RBBP6: variants seen among roughly 807,000 people sequenced by gnomAD.
The protein encoded by RBBP6 is RB binding protein 6, ubiquitin ligase, also known as E3 ubiquitin-protein ligase RBBP6.
Under a neutral mutation model 167.7 loss-of-function variants are expected in RBBP6, and 25 were observed. The observed-to-expected ratio is 0.15, with a 90% CI of 0.11 to 0.21. RBBP6 has a LOEUF of 0.21. Ranked by LOEUF, RBBP6 falls within the 10% of genes least tolerant of loss-of-function variation. The pLI, the probability that RBBP6 is intolerant of heterozygous loss-of-function variation, is 1.00. For synonymous variants in RBBP6, 789 were observed against 735.8 expected (o/e 1.07, Z -1.17); for missense variants, 1,868 against 2,134.2 (o/e 0.88, Z 2.46).
At position 24,572,053 on chromosome 16, in the gene RBBP6, A is replaced by C; in HGVS notation, c.4987A>C (p.Lys1663Gln). 1.2e-6 allele frequency: 2 copies of C among 1,614,170 alleles called. No homozygotes were observed. Among genetic ancestry groups the C allele is most frequent in the Non-Finnish European group, 1.7e-6 (2 of 1,180,006 alleles). Residue 1663 changes from lysine (K) to glutamine (Q), a missense_variant, in exon 18 of 18, where the codon AAG (lysine) becomes CAG (glutamine). This residue lies in a region of RBBP6 where 591 missense variants were observed against 540.5 expected (regional missense o/e 1.09). Coordinates refer to ENST00000319715, the MANE Select transcript of RBBP6 (RefSeq NM_006910.5). Reference sequence around the variant, plus strand: ...AGAGGAATCTTCAGGAAACATTTCTAAGGACCTGAAAGATAAAATAGTGGA... The same window carrying C: ...AGAGGAATCTTCAGGAAACATTTCTCAGGACCTGAAAGATAAAATAGTGGA... The part of the protein sequence containing the change: ...KEEESSGNIS[K>Q]DLKDKIVEKA...
In RBBP6 at chr16:24,563,596, T is replaced by C. The variant is rs199684948; in HGVS notation, c.1466-14T>C. The C allele has an allele frequency of 3.3e-5, 53 of 1,612,908 alleles. No homozygotes were observed. The highest frequency in any genetic ancestry group is 4.1e-5 in the Non-Finnish European group (48 of 1,179,652). ...ATTTTGTATTTACCTACTGCTTTTA[T>C]TTTTTGTTTCTAGGTCCAGTAAGAA... On this transcript the variant is annotated splice_polypyrimidine_tract_variant and intron_variant, in intron 12 of 17. Transcript: ENST00000319715.
chr16:24,543,027 G>A (rs1898543423), intron 1 of RBBP6, among the ~76,000 whole-genome samples: 1 of 152,178 alleles, frequency 6.6e-6, no homozygotes, highest in Non-Finnish European at 1.5e-5. Context: ...CAAATTAAGA[G>A]AGAAAGAGAT....
intron 16 of RBBP6, 58 bp from the exon 17 acceptor site, chr16:24,568,687 T>C: frequency 1.3e-6 from 2 of 1,527,990 alleles, no homozygotes; most frequent in Admixed American, 4.1e-5. Flanking sequence ...TCTGAGAGTC[T>C]GTGTTTTATT....
At chr16:24,551,027 A>G (rs919453422) in intron 3 of RBBP6, among the ~76,000 whole-genome samples, 1 of 151,898 alleles carries the variant, frequency 6.6e-6, no homozygotes, top group East Asian at 1.9e-4. Flanking sequence ...AGCGAACTCT[A>G]ATCAAGAATG....
At position 24,563,496 on chromosome 16, in the gene RBBP6, C is replaced by T. The variant is rs1161161425; in HGVS notation, c.1460C>T (p.Thr487Ile). Residue 487 changes from threonine (T) to isoleucine (I), a missense_variant, in exon 12 of 18, where the codon ACA becomes ATA. This residue lies in a region of RBBP6 where 245 missense variants were observed against 240.1 expected (regional missense o/e 1.02). Transcript: ENST00000319715. ...QSLLHGQLIP[T>I]TGPVRINTAR... ...TTATTGCATGGACAGTTGATCCCCA[C>T]AACTGGTGAGTAAGATCACTTTGGT... The T allele has an allele frequency of 6.2e-7, 1 of 1,612,978 alleles. No individual in the cohort carries two copies. The highest frequency in any genetic ancestry group is 1.1e-5 in the South Asian group (1 of 91,028).
chr16:24,551,010 T>C (rs1898783155), intron 3 of RBBP6, among the ~76,000 whole-genome samples: 1 of 151,890 alleles, frequency 6.6e-6, no homozygotes, highest in Non-Finnish European at 1.5e-5. Flanking sequence ...ATAGTTTTGG[T>C]AATGGAAGCG....
intron 4 of RBBP6, chr16:24,554,781 T>C (rs1159451764): frequency 6.6e-6 from 1 of 151,718 alleles, no homozygotes; most frequent in Non-Finnish European, 1.5e-5. Flanking sequence ...TTTTTTTGTT[T>C]TTTTAAACTA....
At position 24,567,778 on chromosome 16, in the gene RBBP6, C is replaced by A; in HGVS notation, c.1953-14C>A. 1 of 1,586,072 alleles carries A rather than the reference C, an allele frequency of 6.3e-7. No homozygotes were observed. Among genetic ancestry groups the A allele is most frequent in the Non-Finnish European group, 8.6e-7 (1 of 1,161,200 alleles). On this transcript the variant is annotated splice_polypyrimidine_tract_variant and intron_variant, in intron 15 of 17. Transcript: ENST00000319715. The stretch of plus-strand genomic sequence containing the variant: ...GTTTTTGTTAACTTTCACTCTTTAA[C>A]TTTATTTTACTAGGGAAAAGAAAAA...
At chr16:24,561,495 G>C (rs948525711) in intron 8 of RBBP6, 117 bp from the exon 9 acceptor site, 2 of 830,194 alleles carry the variant, frequency 2.4e-6, no homozygotes, top group Non-Finnish European at 3.8e-6. Context: ...TGATTAGCAC[G>C]ACATGCTTGG....
chr16:24,564,212 A>G (rs1335279008), intron 13 of RBBP6, among the ~76,000 whole-genome samples: 1 of 152,204 alleles, frequency 6.6e-6, no homozygotes, highest in Non-Finnish European at 1.5e-5. Context: ...TACTTAATGT[A>G]TTTTTAGTTA....
At position 24,567,041 on chromosome 16, in the gene RBBP6, C is replaced by T. The variant is rs1395817426; in HGVS notation, c.1590-102C>T. On this transcript the variant is annotated intron_variant, in intron 14 of 17. Coordinates refer to ENST00000319715, the MANE Select transcript of RBBP6 (RefSeq NM_006910.5). ...TAGTTGAATAGTTGGTTCTATTCCA[C>T]TGTTTTTAAGTTTGAAAATAATTAT... The T allele has an allele frequency of 4.0e-6, 5 of 1,256,698 alleles. No homozygotes were observed. In the East Asian group the frequency reaches 1.2e-4, roughly 31 times the overall value. 77.8% of individuals were successfully genotyped at this position (1,256,698 alleles called of 1,614,324 possible). A position where few individuals can be genotyped will look rare whatever the true frequency, so the allele number is the denominator to read the frequency against.
chr16:24,546,519 G>A (rs1019544388), intron 2 of RBBP6, among the ~76,000 whole-genome samples: 4 of 152,144 alleles, frequency 2.6e-5, no homozygotes, highest in African/African-American at 9.7e-5. Flanking sequence ...ACAGATACAA[G>A]AAAGTGATAT....
At chr16:24,546,034 A>G in intron 1 of RBBP6, 129 bp from the exon 2 acceptor site, 1 of 1,344,844 alleles carries the variant, frequency 7.4e-7, no homozygotes, top group South Asian at 1.5e-5. Context: ...TCAGTAATCT[A>G]GTTGCAAGGA....
At position 24,571,330 on chromosome 16, in the gene RBBP6, A is replaced by G. The variant is rs1899325045; in HGVS notation, c.4264A>G (p.Ser1422Gly). 4.3e-6 allele frequency: 7 copies of G among 1,614,188 alleles called. No individual in the cohort carries two copies. The highest frequency in any genetic ancestry group is 1.1e-5 in the South Asian group (1 of 91,084). The change falls in exon 18 of 18, where the codon AGC becomes GGC. Residue 1422 changes from serine to glycine, a missense_variant. Ser to Gly is a moderately conservative substitution (Grantham distance 56). This residue lies in a region of RBBP6 where 591 missense variants were observed against 540.5 expected (regional missense o/e 1.09). Coordinates refer to ENST00000319715, the MANE Select transcript of RBBP6 (RefSeq NM_006910.5). ...EKENPEKRKN[S>G]TQPEKESNLD... ...GGAGAACCCTGAAAAGAGGAAGAAC[A>G]GCACTCAGCCAGAGAAAGAGAGTAA...
chr16:24,563,630 G>T lies in RBBP6; in HGVS notation c.1486G>T (p.Ala496Ser), dbSNP rs764263817. The part of the protein sequence containing the change: ...PTTGPVRINT[A>S]RPGGGRPGWE... ...TCTAGGTCCAGTAAGAATAAATACT[G>T]CTCGTCCAGGTGGTGGTCGACCAGG... The change falls in exon 13 of 18, where the codon GCT (alanine) becomes TCT (serine). Residue 496 changes from alanine (A) to serine (S), a missense_variant. By Grantham distance (99) the Ala-to-Ser change is moderately conservative. Around this residue, in one of 7 missense-constraint regions of RBBP6, gnomAD observed 245 missense variants for 240.1 expected, o/e 1.02. Coordinates refer to ENST00000319715, the MANE Select transcript of RBBP6 (RefSeq NM_006910.5). 1 of 1,611,356 alleles carries T rather than the reference G, an allele frequency of 6.2e-7. No individual in the cohort carries two copies. The highest frequency in any genetic ancestry group is 8.5e-7 in the Non-Finnish European group (1 of 1,179,512).
chr16:24,550,946 G>A (rs1367652546), intron 3 of RBBP6, among the ~76,000 whole-genome samples: 1 of 151,826 alleles, frequency 6.6e-6, no homozygotes, highest in South Asian at 2.1e-4. Context: ...CAAAAGCAAA[G>A]TAAATAGAGG....
Position 24,571,247 on chromosome 16 carries a change from A to G in RBBP6, c.4181A>G (p.Asn1394Ser), listed in dbSNP as rs1385448902. The G allele has an allele frequency of 1.2e-6, 2 of 1,612,410 alleles. No homozygotes were observed. Among genetic ancestry groups the G allele is most frequent in the Admixed American group, 3.4e-5 (2 of 59,608 alleles). Residue 1394 changes from asparagine to serine, a missense_variant, in exon 18 of 18, where the codon AAC becomes AGC. By Grantham distance (46) the Asn-to-Ser change is conservative (BLOSUM62 1). Transcript: ENST00000319715. ...IIQHEVKSSK[N>S]SASSEKGKTK... ...CAACATGAGGTTAAAAGTTCAAAAA[A>G]CTCTGCATCTAGTGAAAAAGGGAAA...
Position 24,561,599 on chromosome 16 carries a change from A to C in RBBP6, c.848-13A>C, listed in dbSNP as rs781729945. On this transcript the variant is annotated splice_polypyrimidine_tract_variant and intron_variant, in intron 8 of 17. Transcript: ENST00000319715. ...TACTATGCTTTTATTAATATTTGAAATCTTATACATAGGTATAAGAACAGC... is the reference window on the plus strand; with the variant it reads ...TACTATGCTTTTATTAATATTTGAACTCTTATACATAGGTATAAGAACAGC... The C allele has an allele frequency of 6.3e-7, 1 of 1,586,344 alleles. No homozygotes were observed. Among genetic ancestry groups the C allele is most frequent in the East Asian group, 2.2e-5 (1 of 44,708 alleles).
chr16:24,562,802 G>C (rs1490563852), intron 10 of RBBP6, among the ~76,000 whole-genome samples: 1 of 152,068 alleles, frequency 6.6e-6, no homozygotes, highest in Non-Finnish European at 1.5e-5. Flanking sequence ...GAATTTATTT[G>C]GTTGATAGTG....
Sources: allele counts gnomAD v4.1 joint callset (sites outside exome capture counted in the v4.1 genomes callset), GRCh38; gene constraint gnomAD v4.1.1; regional missense constraint gnomAD v4.1.1; transcripts MANE v1.5; gene names NCBI Gene and HGNC (gene_info 2026-07-23, HGNC 2026-07-21).